Variants in PCSK6 observed in about 807,000 individuals in gnomAD.
PCSK6 encodes paired basic amino acid cleaving enzyme 4.
Under a neutral mutation model 123.3 loss-of-function variants are expected in PCSK6, and 85 were observed. The observed-to-expected ratio is 0.69, with a 90% CI of 0.58 to 0.83. The LOEUF is 0.83. PCSK6 is among the 40% of genes least tolerant of loss of function. The pLI is 0.00. For missense variants in PCSK6, 1,191 were observed against 1,282.3 expected (o/e 0.93, Z 1.09); for synonymous variants, 508 against 516.0 (o/e 0.98, Z 0.21).
intron 1 of PCSK6, among the ~76,000 whole-genome samples, chr15:101,452,657 C>A (rs1466018810): frequency 6.6e-6 from 1 of 152,094 alleles, no homozygotes; most frequent in African/African-American, 2.4e-5. Flanking sequence ...CGTGGGGCTA[C>A]GGGTGGGAAC....
intron 11 of PCSK6, among the ~76,000 whole-genome samples, chr15:101,375,885 T>C (rs2041723081): frequency 6.6e-6 from 1 of 151,958 alleles, no homozygotes; most frequent in Admixed American, 6.6e-5. Flanking sequence ...AAATACAAAA[T>C]TAGCCAGGTG....
chr15:101,460,247 G>A (rs28455579), intron 1 of PCSK6, among the ~76,000 whole-genome samples: 111,494 of 151,916 alleles, frequency 0.73, 41,582 homozygotes, highest in Non-Finnish European at 0.82. Context: ...CTCTTCTAAA[G>A]AGGGGTCTTT....
At chr15:101,369,632 T>C (rs927228694) in intron 12 of PCSK6, among the ~76,000 whole-genome samples, 7 of 152,266 alleles carry the variant, frequency 4.6e-5, no homozygotes, top group Non-Finnish European at 7.3e-5. Flanking sequence ...CAGAATACCC[T>C]GGCCCCTCTT....
intron 6 of PCSK6, among the ~76,000 whole-genome samples, chr15:101,402,997 A>G (rs1175733231): frequency 2.0e-5 from 3 of 152,188 alleles, no homozygotes; most frequent in African/African-American, 4.8e-5. Context: ...CACTATTCAC[A>G]ATAGCAAAGA....
chr15:101,444,833 T>C (rs1442870386), intron 1 of PCSK6, among the ~76,000 whole-genome samples: 1 of 152,210 alleles, frequency 6.6e-6, no homozygotes, highest in Admixed American at 6.5e-5. Context: ...TAGAGTTGAC[T>C]GGCCCAGGTG....
At chr15:101,439,920 T>A (rs1035485960) in intron 2 of PCSK6, among the ~76,000 whole-genome samples, 14 of 152,160 alleles carry the variant, frequency 9.2e-5, no homozygotes, top group African/African-American at 3.1e-4. Context: ...TCCATTTCCA[T>A]CACCAATCTG....
At chr15:101,414,465 G>C (rs768283565) in intron 6 of PCSK6, among the ~76,000 whole-genome samples, 1 of 152,100 alleles carries the variant, frequency 6.6e-6, no homozygotes, top group Non-Finnish European at 1.5e-5. Flanking sequence ...AAATAATATG[G>C]AGTTAAATTT....
At position 101,315,807 on chromosome 15, in the gene PCSK6, C is replaced by T. The variant is rs547379260; in HGVS notation, c.2570-2302G>A. The stretch of plus-strand genomic sequence containing the variant: ...GGGTAAGTCGCGTCCCACGGGGCCA[C>T]TGCATTAACCCAGCTGTGCCAGCAG... On this transcript the variant is annotated intron_variant, in intron 19 of 21. Transcript: ENST00000611716. Among the ~76,000 whole-genome samples, 5 of 152,358 alleles carry T rather than the reference C, an allele frequency of 3.3e-5. No individual in the cohort carries two copies. The South Asian group carries it at 1.0e-3, about 32-fold the overall frequency.
intron 6 of PCSK6, among the ~76,000 whole-genome samples, chr15:101,422,333 T>C (rs2056108486): frequency 6.6e-6 from 1 of 152,158 alleles, no homozygotes; most frequent in Non-Finnish European, 1.5e-5. Context: ...AGAAGTCCAG[T>C]AGGAAAACAG....
intron 6 of PCSK6, among the ~76,000 whole-genome samples, chr15:101,399,069 A>T (rs907320102): frequency 1.3e-5 from 2 of 152,006 alleles, no homozygotes; most frequent in Non-Finnish European, 2.9e-5. Context: ...TGCCTGGCTA[A>T]CTTTTATTTT....
chr15:101,348,901 C>T (rs1020079796), intron 13 of PCSK6, among the ~76,000 whole-genome samples: 2 of 152,214 alleles, frequency 1.3e-5, no homozygotes, highest in African/African-American at 4.8e-5. Context: ...CTGGTCTCCT[C>T]CCGCCACCCT....
intron 1 of PCSK6, among the ~76,000 whole-genome samples, chr15:101,475,938 A>C (rs562336983): frequency 2.0e-5 from 3 of 152,364 alleles, no homozygotes; most frequent in South Asian, 4.1e-4. Flanking sequence ...TTCTGGGGGC[A>C]GTGTCAACTG....
chr15:101,442,788 C>T (rs2056790174), intron 2 of PCSK6, among the ~76,000 whole-genome samples: 1 of 152,172 alleles, frequency 6.6e-6, no homozygotes, highest in Non-Finnish European at 1.5e-5. Context: ...CTGCTTCTCA[C>T]GTGAACTTCA....
intron 1 of PCSK6, among the ~76,000 whole-genome samples, chr15:101,488,148 C>A (rs2058063393): frequency 6.6e-6 from 1 of 152,194 alleles, no homozygotes; most frequent in Admixed American, 6.5e-5. Context: ...CGCCACCACA[C>A]CTTGCTGGCT....
chr15:101,407,036 G>A (rs115293510), intron 6 of PCSK6, among the ~76,000 whole-genome samples: 1 of 152,142 alleles, frequency 6.6e-6, no homozygotes, highest in African/African-American at 2.4e-5. Context: ...GGACACAGGT[G>A]CGCAGCTCTC....
chr15:101,374,776 AGGGCACACAG>A (rs2041685113), intron 11 of PCSK6, among the ~76,000 whole-genome samples: 1 of 152,198 alleles, frequency 6.6e-6, no homozygotes, highest in African/African-American at 2.4e-5. Context: ...AGCAGGTCGG[AGGGCACACAG>A]TGCCCGTGTG....
intron 11 of PCSK6, among the ~76,000 whole-genome samples, chr15:101,381,484 G>A (rs1214969114): frequency 2.6e-5 from 4 of 152,252 alleles, no homozygotes; most frequent in Non-Finnish European, 4.4e-5. Flanking sequence ...CCTTCTGCTC[G>A]AGCCTTGTTA....
intron 2 of PCSK6, among the ~76,000 whole-genome samples, chr15:101,437,574 C>T (rs2141136190): frequency 6.6e-6 from 1 of 152,310 alleles, no homozygotes; most frequent in African/African-American, 2.4e-5. Flanking sequence ...GAGACCATTT[C>T]TTGAATTCTT....
intron 1 of PCSK6, among the ~76,000 whole-genome samples, chr15:101,479,508 G>A (rs996226959): frequency 7.9e-5 from 12 of 152,320 alleles, no homozygotes; most frequent in East Asian, 5.8e-4. Context: ...GAGCAGGCCC[G>A]GCCTCGGCTG....
Sources: allele counts gnomAD v4.1 joint callset (sites outside exome capture counted in the v4.1 genomes callset), GRCh38; gene constraint gnomAD v4.1.1; transcripts MANE v1.5; gene names NCBI Gene and HGNC (gene_info 2026-07-23, HGNC 2026-07-21).